The following CDC5L variants were observed in gnomAD, a reference collection of about 807,000 sequenced individuals.
The protein encoded by CDC5L is cell division cycle 5 like.
CDC5L carries 18 observed loss-of-function variants against 104.1 expected under a neutral mutation model. The observed-to-expected ratio is 0.17, with a 90% CI of 0.12 to 0.26. The LOEUF (loss-of-function observed/expected upper bound fraction) is 0.26, where lower values mean the gene tolerates loss of function less well. Among genes scored for constraint, CDC5L ranks in the 10% least tolerant of loss-of-function variants. The pLI is 1.00. For missense variants in CDC5L, 673 were observed against 956.9 expected, an observed-to-expected ratio of 0.70 and a Z score of 3.91; for synonymous variants, 331 against 322.7, an observed-to-expected ratio of 1.03 and a Z score of -0.28.
intron 13 of CDC5L, among the ~76,000 whole-genome samples, chr6:44,429,015 C>CTTTTTTTTTT (rs922435895): frequency 4.2e-5 from 4 of 95,596 alleles, no homozygotes; most frequent in African/African-American, 9.3e-5. Flanking sequence ...GTTTCATTAG[C>CTTTTTTTTTT]TTTTTTTTTT....
intron 12 of CDC5L, 42 bp from the exon 13 acceptor site, chr6:44,426,440 A>T: frequency 1.8e-6 from 2 of 1,119,316 alleles, no homozygotes; most frequent in African/African-American, 1.6e-5. Flanking sequence ...TTAATATATT[A>T]TAGTGATATG....
intron 13 of CDC5L, among the ~76,000 whole-genome samples, chr6:44,429,014 G>A (rs193229681): frequency 1.3e-3 from 187 of 139,430 alleles, no homozygotes; most frequent in Non-Finnish European, 2.4e-3. Flanking sequence ...AGTTTCATTA[G>A]CTTTTTTTTT....
Position 44,411,635 on chromosome 6 carries a change from A to AGTGTGTGTGTGTGTGTGTGTGT in CDC5L, c.1092+3004_1092+3005insTGTGTGTGTGTGTGTGTGTGTG, listed in dbSNP as rs372072520. The stretch of plus-strand genomic sequence containing the variant: ...GAGAGAGAGAGAGAGAGAGAGAGAG[A>AGTGTGTGTGTGTGTGTGTGTGT]GAGTGTGTGTGTGTGTGTGACTAAA... On this transcript the variant is annotated intron_variant, in intron 8 of 15. Coordinates refer to ENST00000371477, the MANE Select transcript of CDC5L (RefSeq NM_001253.4). 9.4e-3 allele frequency among the ~76,000 whole-genome samples: 1,145 copies of AGTGTGTGTGTGTGTGTGTGTGT among 121,394 alleles called. 8 individuals are homozygous for AGTGTGTGTGTGTGTGTGTGTGT. The highest frequency in any genetic ancestry group is 0.017 in the Middle Eastern group (4 of 238). 79.6% of individuals were successfully genotyped at this position (121,394 alleles called of 152,430 possible). A position where few individuals can be genotyped will look rare whatever the true frequency, so the allele number is the denominator to read the frequency against.
chr6:44,429,987 A>G (rs1432380838), intron 14 of CDC5L, 77 bp downstream of exon 14: 2 of 1,180,248 alleles, frequency 1.7e-6, no homozygotes, highest in South Asian at 1.4e-5. Context: ...ACTGGAGACA[A>G]TGTCAGAAAA....
chr6:44,401,940 T>G (rs1250341302), intron 5 of CDC5L, among the ~76,000 whole-genome samples: 1 of 134,378 alleles, frequency 7.4e-6, no homozygotes, highest in Non-Finnish European at 1.6e-5. Flanking sequence ...TTACTGAGAA[T>G]GATGATTTCC....
chr6:44,391,414 A>G (rs1790614768), intron 2 of CDC5L, among the ~76,000 whole-genome samples: 1 of 151,728 alleles, frequency 6.6e-6, no homozygotes, highest in African/African-American at 2.4e-5. Context: ...ATTCCCGGCT[A>G]ATTTTTTGTA....
intron 8 of CDC5L, among the ~76,000 whole-genome samples, chr6:44,414,083 G>T (rs1362020221): frequency 6.6e-6 from 1 of 151,514 alleles, no homozygotes; most frequent in Non-Finnish European, 1.5e-5. Context: ...TTATATCTTT[G>T]TTGTTGTTGT....
chr6:44,430,985 T>G (rs1042002925), intron 14 of CDC5L, among the ~76,000 whole-genome samples: 1 of 152,186 alleles, frequency 6.6e-6, no homozygotes, highest in Non-Finnish European at 1.5e-5. Context: ...GGTTTCCTCT[T>G]TTATGTGATT....
At chr6:44,430,530 G>A (rs1047736201) in intron 14 of CDC5L, among the ~76,000 whole-genome samples, 1 of 149,736 alleles carries the variant, frequency 6.7e-6, no homozygotes, top group African/African-American at 2.5e-5. Context: ...TTTTGCCAAT[G>A]GCATGTAAAT....
intron 5 of CDC5L, among the ~76,000 whole-genome samples, chr6:44,400,908 T>G (rs1036271814): frequency 1.3e-5 from 2 of 152,218 alleles, no homozygotes; most frequent in Non-Finnish European, 2.9e-5. Flanking sequence ...CCAGTCAAAT[T>G]TGGGCTCCTT....
At chr6:44,433,033 A>G (rs1419366968) in intron 14 of CDC5L, among the ~76,000 whole-genome samples, 2 of 152,240 alleles carry the variant, frequency 1.3e-5, no homozygotes, top group East Asian at 3.8e-4. Flanking sequence ...CAAATTAATA[A>G]GAAAAACTTT....
chr6:44,423,504 G>A (rs1482291724), intron 10 of CDC5L, among the ~76,000 whole-genome samples: 1 of 152,180 alleles, frequency 6.6e-6, no homozygotes, highest in African/African-American at 2.4e-5. Flanking sequence ...TAAAACCAGT[G>A]TGCTTAGGGT....
At chr6:44,431,201 G>C (rs1004977975) in intron 14 of CDC5L, among the ~76,000 whole-genome samples, 1 of 152,152 alleles carries the variant, frequency 6.6e-6, no homozygotes, top group Non-Finnish European at 1.5e-5. Context: ...GTTAATGCCT[G>C]TGAACCTCTT....
chr6:44,392,928 A>G, intron 3 of CDC5L, 100 bp downstream of exon 3: 1 of 1,078,790 alleles, frequency 9.3e-7, no homozygotes, highest in Non-Finnish European at 1.3e-6. Context: ...TTAATTATGG[A>G]TGTGAGTAAA....
chr6:44,445,124 T>C (rs1561982232), intron 14 of CDC5L, among the ~76,000 whole-genome samples: 1 of 152,116 alleles, frequency 6.6e-6, no homozygotes, highest in Non-Finnish European at 1.5e-5. Flanking sequence ...GCATGCTTGA[T>C]TAAAAGTATC....
intron 4 of CDC5L, among the ~76,000 whole-genome samples, chr6:44,395,948 G>A (rs980027648): frequency 1.3e-5 from 2 of 152,216 alleles, no homozygotes; most frequent in African/African-American, 2.4e-5. Flanking sequence ...TTCACAATTT[G>A]TGCTGTGCCA....
Position 44,387,759 on chromosome 6 carries a change from C to G in CDC5L, c.-65C>G, listed in dbSNP as rs868289891. 5 of 1,414,402 alleles carry G rather than the reference C, an allele frequency of 3.5e-6. No homozygotes were observed. In the Middle Eastern group the frequency reaches 6.9e-4, roughly 196 times the overall value. 87.6% of individuals were successfully genotyped at this position (1,414,402 alleles called of 1,614,324 possible). On this transcript the variant is annotated 5_prime_UTR_variant, in exon 1 of 16. Coordinates refer to ENST00000371477, the MANE Select transcript of CDC5L (RefSeq NM_001253.4). The stretch of plus-strand genomic sequence containing the variant: ...AAGTGGCGGCTTTGAGTCCGGTGGC[C>G]CAATCGCTGTTACTACTTCTCTGAA...
At chr6:44,418,169 C>T (rs1047098148) in intron 8 of CDC5L, among the ~76,000 whole-genome samples, 12 of 152,148 alleles carry the variant, frequency 7.9e-5, no homozygotes, top group South Asian at 2.1e-4. Context: ...CAACAGTCCC[C>T]GGAGTGTGAT....
chr6:44,419,585 C>G lies in CDC5L; in HGVS notation c.1229C>G (p.Ser410Cys). 1 of 1,612,782 alleles carries G rather than the reference C, an allele frequency of 6.2e-7. No homozygotes were observed. ...QVVQTPNTVL[S>C]TPFRTPSNGA... ...GTACAGACTCCAAACACAGTTCTCTCTACTCCATTCAGGTATTGTAAATGA... is the reference window on the plus strand; with the variant it reads ...GTACAGACTCCAAACACAGTTCTCTGTACTCCATTCAGGTATTGTAAATGA... Residue 410 changes from serine to cysteine, a missense_variant, in exon 9 of 16, where the codon TCT becomes TGT. Physicochemically the swap from Ser to Cys is moderately radical, Grantham distance 112. Transcript: ENST00000371477.
Sources: gnomAD v4.1 joint callset for allele counts (sites outside exome capture counted in the v4.1 genomes callset) on GRCh38, gnomAD v4.1.1 for gene constraint, MANE v1.5 for transcripts, NCBI Gene and HGNC (gene_info 2026-07-23, HGNC 2026-07-21) for gene names.